GALNT13: variants seen among roughly 807,000 people sequenced by gnomAD.
GALNT13 encodes the protein polypeptide N-acetylgalactosaminyltransferase 13, also known as UDP-GalNAc:polypeptide N-acetylgalactosaminyltransferase 13.
In GALNT13, 28 loss-of-function variants were observed where a neutral mutation model predicts 64.2. The ratio of observed to expected loss-of-function variants is 0.44; its 90% CI spans 0.32 to 0.60. GALNT13 has a LOEUF of 0.60. Among genes scored for constraint, GALNT13 ranks in the 20% least tolerant of loss-of-function variants. The pLI is 0.05. For missense variants in GALNT13, 577 were observed against 669.8 expected, an observed-to-expected ratio of 0.86 and a Z score of 1.53; for synonymous variants, 214 against 224.6, an observed-to-expected ratio of 0.95 and a Z score of 0.42.
intron 9 of GALNT13, among the ~76,000 whole-genome samples, chr2:154,318,142 T>G (rs1220942767): frequency 6.6e-6 from 1 of 152,136 alleles, no homozygotes. Context: ...GAAATGTATT[T>G]GCTCTCATTT....
intron 2 of GALNT13, among the ~76,000 whole-genome samples, chr2:153,913,192 G>A (rs1225773180): frequency 6.6e-6 from 1 of 152,144 alleles, no homozygotes; most frequent in African/African-American, 2.4e-5. Flanking sequence ...TTTCACTTTG[G>A]CAGCAGTGTC....
intron 9 of GALNT13, among the ~76,000 whole-genome samples, chr2:154,343,706 C>A (rs970858578): frequency 3.3e-5 from 5 of 151,982 alleles, no homozygotes; most frequent in African/African-American, 1.2e-4. Context: ...ATGGCTGTAA[C>A]ATTGATATAT....
intron 9 of GALNT13, among the ~76,000 whole-genome samples, chr2:154,393,140 A>G (rs532515742): frequency 6.6e-6 from 1 of 152,304 alleles, no homozygotes; most frequent in East Asian, 1.9e-4. Context: ...AAACAATTGG[A>G]TAACCTACTT....
chr2:153,938,193 A>T (rs1403119179), intron 2 of GALNT13, among the ~76,000 whole-genome samples: 3 of 152,174 alleles, frequency 2.0e-5, no homozygotes. Context: ...CTTTAAAGGG[A>T]CAGTTCACCA....
the GALNT13 span, among the ~76,000 whole-genome samples, chr2:153,829,285 A>G: frequency 6.6e-6 from 1 of 152,100 alleles, no homozygotes; most frequent in Admixed American, 6.5e-5. Flanking sequence ...CACACTGTGG[A>G]TAAAGGCATA....
chr2:154,349,069 A>T (rs1393394110), intron 9 of GALNT13, among the ~76,000 whole-genome samples: 3 of 152,222 alleles, frequency 2.0e-5, no homozygotes, highest in South Asian at 2.1e-4. Context: ...GTAACAACTC[A>T]TATGTGCTGT....
chr2:153,867,130 C>A (rs899327801), upstream of GALNT13, among the ~76,000 whole-genome samples: 2 of 152,178 alleles, frequency 1.3e-5, no homozygotes, highest in Admixed American at 6.6e-5. Flanking sequence ...ATTACTTAAT[C>A]TTTATGTTGC....
the GALNT13 span, among the ~76,000 whole-genome samples, chr2:153,596,319 G>C: frequency 6.6e-6 from 1 of 152,084 alleles, no homozygotes; most frequent in Admixed American, 6.6e-5. Context: ...GCCAGCATCA[G>C]GAAGTGGAGA....
chr2:153,133,489 T>C, the GALNT13 span, among the ~76,000 whole-genome samples: 5 of 152,086 alleles, frequency 3.3e-5, no homozygotes, highest in Admixed American at 1.3e-4. Flanking sequence ...GTTTTTTTTC[T>C]TTTTCATCCA....
the GALNT13 span, among the ~76,000 whole-genome samples, chr2:153,721,833 C>A: frequency 6.6e-6 from 1 of 151,606 alleles, no homozygotes; most frequent in South Asian, 2.1e-4. Flanking sequence ...TACAAAGAGA[C>A]TTAGACTCCC....
chr2:154,269,193 G>T (rs997957394), intron 8 of GALNT13, among the ~76,000 whole-genome samples: 1 of 152,026 alleles, frequency 6.6e-6, no homozygotes, highest in Non-Finnish European at 1.5e-5. Context: ...TCAACCTTTA[G>T]GGGCTTATAG....
chr2:153,926,047 T>C (rs1690113353), intron 2 of GALNT13, among the ~76,000 whole-genome samples: 1 of 152,074 alleles, frequency 6.6e-6, no homozygotes, highest in African/African-American at 2.4e-5. Context: ...ACCCTTTATT[T>C]CTTTCTCTTG....
chr2:153,431,115 A>C, the GALNT13 span, among the ~76,000 whole-genome samples: 2 of 150,984 alleles, frequency 1.3e-5, no homozygotes, highest in Non-Finnish European at 2.9e-5. Flanking sequence ...GTGCCACTGC[A>C]CTCTAGCCTA....
At chr2:153,077,405 A>G in the GALNT13 span, among the ~76,000 whole-genome samples, 2 of 152,280 alleles carry the variant, frequency 1.3e-5, no homozygotes, top group South Asian at 2.1e-4. Context: ...TGAATTGGGA[A>G]GCAACAAACT....
intron 3 of GALNT13, among the ~76,000 whole-genome samples, chr2:154,040,188 C>G (rs1396209430): frequency 7.1e-6 from 1 of 140,624 alleles, no homozygotes; most frequent in African/African-American, 2.4e-5. Flanking sequence ...GAAAGATACA[C>G]ACACACATGC....
the GALNT13 span, among the ~76,000 whole-genome samples, chr2:153,098,915 T>G: frequency 1.3e-5 from 2 of 152,118 alleles, no homozygotes; most frequent in African/African-American, 4.8e-5. Context: ...CCTCTTAGAG[T>G]TGGAAGAAGA....
intron 3 of GALNT13, among the ~76,000 whole-genome samples, chr2:154,088,966 T>C (rs956327423): frequency 2.6e-5 from 4 of 152,130 alleles, no homozygotes; most frequent in African/African-American, 9.6e-5. Context: ...CTGAGATTTT[T>C]TGTGAACACA....
At chr2:153,792,970 CT>C in the GALNT13 span, among the ~76,000 whole-genome samples, 190 of 132,242 alleles carry the variant, frequency 1.4e-3, no homozygotes, top group Middle Eastern at 4.1e-3. Flanking sequence ...TTCTTTCTTT[CT>C]TTTTTTTTTT....
chr2:154,248,597 T>A (rs1689908536), intron 7 of GALNT13, among the ~76,000 whole-genome samples: 1 of 145,630 alleles, frequency 6.9e-6, no homozygotes, highest in Admixed American at 6.8e-5. Context: ...TGTTTTACAT[T>A]TTCAAAAATT....
Sources: allele counts gnomAD v4.1 joint callset (sites outside exome capture counted in the v4.1 genomes callset), GRCh38; gene constraint gnomAD v4.1.1; transcripts MANE v1.5; gene names NCBI Gene and HGNC (gene_info 2026-07-23, HGNC 2026-07-21).